The following SLC16A5 variants were observed in gnomAD, a reference collection of about 807,000 sequenced individuals.
SLC16A5 encodes monocarboxylate transporter 6.
Under a neutral mutation model 33.2 loss-of-function variants are expected in SLC16A5, and 29 were observed. That is an observed-to-expected ratio of 0.87 (90% CI 0.65 to 1.19). The LOEUF (loss-of-function observed/expected upper bound fraction) is 1.19, where lower values mean the gene tolerates loss of function less well. Among genes scored for constraint, SLC16A5 ranks in the 50% most tolerant of loss-of-function variants. SLC16A5 has a pLI of 0.00. For synonymous variants in SLC16A5, 248 were observed against 284.1 expected (o/e 0.87, Z 1.28); for missense variants, 606 against 678.2 (o/e 0.89, Z 1.18).
At chr17:75,099,613 T>C (rs973416465) in intron 4 of SLC16A5, among the ~76,000 whole-genome samples, 1 of 139,940 alleles carries the variant, frequency 7.1e-6, no homozygotes, top group African/African-American at 2.9e-5. Flanking sequence ...GCCTGGCTAA[T>C]TTTTTTGTAT....
At chr17:75,099,048 C>T (rs1476205090) in intron 4 of SLC16A5, among the ~76,000 whole-genome samples, 2 of 152,162 alleles carry the variant, frequency 1.3e-5, no homozygotes, top group Non-Finnish European at 2.9e-5. Context: ...TGATTGAGAA[C>T]TTTTTCTCCA....
chr17:75,096,812 G>A (rs530953472), intron 3 of SLC16A5, among the ~76,000 whole-genome samples: 2 of 145,830 alleles, frequency 1.4e-5, no homozygotes, highest in Non-Finnish European at 3.0e-5. Flanking sequence ...GATTACAGGC[G>A]TGAGCCACCA....
At chr17:75,099,892 G>T (rs1317835774) in intron 4 of SLC16A5, 115 bp from the exon 5 acceptor site, 6 of 986,676 alleles carry the variant, frequency 6.1e-6, no homozygotes, top group Non-Finnish European at 7.3e-6. Context: ...TTGGAGCTGG[G>T]TATGGACTAG....
chr17:75,093,717 C>T lies in SLC16A5; in HGVS notation c.81C>T (p.Thr27=). Residue 27 remains threonine (T), a synonymous_variant, in exon 3 of 7, where the codon ACC becomes ACT. Transcript: ENST00000329783. Reference sequence around the variant, plus strand: ...CCACCATGGTGACCCAGGGCCTCACCCTGGGCTTCCCCACGTGTATCGGCA... The same window carrying T: ...CCACCATGGTGACCCAGGGCCTCACTCTGGGCTTCCCCACGTGTATCGGCA... The part of the protein sequence containing the change: ...LLATMVTQGL[T]LGFPTCIGIF... 1 of 1,613,998 alleles carries T rather than the reference C, an allele frequency of 6.2e-7. No homozygotes were observed. The highest frequency in any genetic ancestry group is 8.5e-7 in the Non-Finnish European group (1 of 1,179,948).
intron 6 of SLC16A5, chr17:75,105,105 G>C (rs1480663595): frequency 1.0e-6 from 1 of 985,328 alleles, no homozygotes; most frequent in Non-Finnish European, 1.2e-6. Context: ...GAAGGTCATT[G>C]GGCCTCGCAC....
In SLC16A5 at chr17:75,100,135, C is replaced by T. The variant is rs2073772083; in HGVS notation, c.472C>T (p.Leu158Phe). The T allele has an allele frequency of 1.9e-6, 3 of 1,614,214 alleles. No individual in the cohort carries two copies. Among genetic ancestry groups the T allele is most frequent in the Non-Finnish European group, 2.5e-6 (3 of 1,180,024 alleles). The change falls in exon 5 of 7, where the codon CTC (leucine) becomes TTC (phenylalanine). Residue 158 changes from leucine to phenylalanine, a missense_variant. By Grantham distance (22) the Leu-to-Phe change is conservative (BLOSUM62 0). Transcript: ENST00000329783. ...VSLGITLWPL[L>F]SRYLLENLGW... ...CCTGGGCATCACCCTCTGGCCGCTG[C>T]TCTCCCGCTACCTTCTGGAGAACCT... is the stretch of plus-strand genomic sequence containing the variant.
chr17:75,101,383 A>AC (rs2073797577), intron 5 of SLC16A5, among the ~76,000 whole-genome samples: 2 of 151,132 alleles, frequency 1.3e-5, no homozygotes, highest in South Asian at 4.2e-4. Context: ...ACGTGGTGAA[A>AC]CCCCATCTCT....
Position 75,100,499 on chromosome 17 carries a change from T to A in SLC16A5, c.836T>A (p.Ile279Asn), listed in dbSNP as rs754786397. The A allele has an allele frequency of 1.9e-6, 3 of 1,614,204 alleles. No individual in the cohort carries two copies. The South Asian group carries it at 3.3e-5, about 18-fold the overall frequency. ...CAGCAGGCAGCCCTCCTCATCTCCA[T>A]CATCGGCTTCAGCAACATCTTCCTG... Reference protein sequence around the residue: ...DEQQAALLISIIGFSNIFLRP... With the variant: ...DEQQAALLISNIGFSNIFLRP... The change falls in exon 5 of 7, where the codon ATC becomes AAC. Residue 279 changes from isoleucine to asparagine, a missense_variant. By Grantham distance (149) the Ile-to-Asn change is moderately radical (BLOSUM62 -3). Transcript: ENST00000329783.
In SLC16A5 at chr17:75,100,301, T is replaced by C; in HGVS notation, c.638T>C (p.Leu213Pro). 1 of 1,614,174 alleles carries C rather than the reference T, an allele frequency of 6.2e-7. No homozygotes were observed. The highest frequency in any genetic ancestry group is 1.3e-5 in the African/African-American group (1 of 75,054). ...CCGCCACCTCCCGAGACACCTGCACTTGGCTGCCTGGCTGCATGCGGCCGG... is the reference window on the plus strand; with the variant it reads ...CCGCCACCTCCCGAGACACCTGCACCTGGCTGCCTGGCTGCATGCGGCCGG... ...CPPPPPETPALGCLAACGRTI... is the reference protein window; with the variant it reads ...CPPPPPETPAPGCLAACGRTI... Residue 213 changes from leucine (L) to proline (P), a missense_variant, in exon 5 of 7, where the codon CTT becomes CCT. By Grantham distance (98) the Leu-to-Pro change is moderately conservative. Coordinates refer to ENST00000329783, the MANE Select transcript of SLC16A5 (RefSeq NM_004695.4).
At position 75,100,537 on chromosome 17, in the gene SLC16A5, G is replaced by C. The variant is rs769032724; in HGVS notation, c.874G>C (p.Gly292Arg). The C allele has an allele frequency of 6.2e-7, 1 of 1,614,094 alleles. No individual in the cohort carries two copies. The highest frequency in any genetic ancestry group is 1.3e-5 in the African/African-American group (1 of 74,932). ...FSNIFLRPLA[G>R]LMAGRPAFAS... ...CAACATCTTCCTGAGGCCCCTAGCC[G>C]GGCTGATGGCAGGACGGCCGGCCTT... The change falls in exon 5 of 7, where the codon GGG becomes CGG. Residue 292 changes from glycine (G) to arginine (R), a missense_variant. Gly to Arg is a moderately radical substitution (Grantham distance 125). Transcript: ENST00000329783.
intron 2 of SLC16A5, among the ~76,000 whole-genome samples, chr17:75,090,610 C>A (rs1487824406): frequency 1.3e-5 from 2 of 151,724 alleles, no homozygotes; most frequent in Non-Finnish European, 2.9e-5. Context: ...ACAGGCGAGC[C>A]CCACCACGCC....
intron 5 of SLC16A5, among the ~76,000 whole-genome samples, chr17:75,103,233 C>T (rs957650065): frequency 2.0e-5 from 3 of 151,972 alleles, no homozygotes; most frequent in African/African-American, 7.3e-5. Flanking sequence ...ACCATGTTGG[C>T]CAGGCTGGTC....
rs145928597 is a variant in SLC16A5 at position 75,098,100 on chromosome 17, G to A, written c.262G>A (p.Val88Met). ...GCRVTVMLGGVLASLGMVASS... is the reference protein window; with the variant it reads ...GCRVTVMLGGMLASLGMVASS... ...CCGAGTGACCGTGATGCTGGGGGGCGTGCTGGCCAGCCTGGGCATGGTGGC... is the reference window on the plus strand; with the variant it reads ...CCGAGTGACCGTGATGCTGGGGGGCATGCTGGCCAGCCTGGGCATGGTGGC... The change falls in exon 4 of 7, where the codon GTG (valine) becomes ATG (methionine). Residue 88 changes from valine to methionine, a missense_variant. By Grantham distance (21) the Val-to-Met change is conservative. Transcript: ENST00000329783. The A allele has an allele frequency of 3.7e-5, 59 of 1,610,230 alleles. No homozygotes were observed. Among genetic ancestry groups the A allele is most frequent in the Admixed American group, 5.0e-5 (3 of 59,468 alleles).
chr17:75,103,941 A>T (rs771828452), intron 5 of SLC16A5, 29 bp from the exon 6 acceptor site: 31 of 1,596,164 alleles, frequency 1.9e-5, no homozygotes, highest in Non-Finnish European at 2.4e-5. Flanking sequence ...GCCTGGTAGC[A>T]CTGGCCTAAC....
chr17:75,104,897 G>A, intron 6 of SLC16A5: 2 of 985,454 alleles, frequency 2.0e-6, no homozygotes, highest in African/African-American at 1.7e-5. Context: ...CTGGCTGTGT[G>A]TTGCTGCTCC....
intron 5 of SLC16A5, among the ~76,000 whole-genome samples, chr17:75,103,683 G>A (rs895072576): frequency 6.6e-6 from 1 of 152,180 alleles, no homozygotes; most frequent in Non-Finnish European, 1.5e-5. Flanking sequence ...GGAGGCATAG[G>A]TGAGACCTGG....
At chr17:75,102,433 C>G (rs2073811566) in intron 5 of SLC16A5, among the ~76,000 whole-genome samples, 1 of 152,154 alleles carries the variant, frequency 6.6e-6, no homozygotes, top group Admixed American at 6.6e-5. Context: ...TCCCCATCCC[C>G]TGGGGGATTA....
rs767907328 is a variant in SLC16A5, at chr17:75,104,149, G to A, written c.1333G>A (p.Gly445Ser). ...ERDLFLEAKDGPGKQRSPEIM... is the reference protein window; with the variant it reads ...ERDLFLEAKDSPGKQRSPEIM... ...GGATCTTTTCTTGGAAGCCAAAGACGGTCCTGGGAAGCAACGGTCCCCTGA... is the reference window on the plus strand; with the variant it reads ...GGATCTTTTCTTGGAAGCCAAAGACAGTCCTGGGAAGCAACGGTCCCCTGA... Residue 445 changes from glycine to serine, a missense_variant, in exon 6 of 7, where the codon GGT becomes AGT. By Grantham distance (56) the Gly-to-Ser change is moderately conservative. Coordinates refer to ENST00000329783, the MANE Select transcript of SLC16A5 (RefSeq NM_004695.4). The A allele has an allele frequency of 2.8e-5, 45 of 1,614,020 alleles. No homozygotes were observed. Among genetic ancestry groups the A allele is most frequent in the African/African-American group, 9.3e-5 (7 of 74,922 alleles).
chr17:75,109,988 G>C, downstream of SLC16A5: 1 of 336,236 alleles, frequency 3.0e-6, no homozygotes, highest in Non-Finnish European at 5.5e-6. This position sits in a 1 kb window ranked among gnomAD's most constrained non-coding sequence, Gnocchi z 5.0. Context: ...CCCAGGAGCC[G>C]GGGACGGTGC....
Sources: gnomAD v4.1 joint callset for allele counts (sites outside exome capture counted in the v4.1 genomes callset) on GRCh38, gnomAD v4.1.1 for gene constraint, Gnocchi (gnomAD v3.1) non-coding constraint, MANE v1.5 for transcripts, NCBI Gene and HGNC (gene_info 2026-07-23, HGNC 2026-07-21) for gene names.